PLEKHG4: variants seen among roughly 807,000 people sequenced by gnomAD.
PLEKHG4 encodes the protein puratrophin-1.
Under a neutral mutation model 136.9 loss-of-function variants are expected in PLEKHG4, and 85 were observed. The observed-to-expected ratio is 0.62, with a 90% CI of 0.52 to 0.74. PLEKHG4 has a LOEUF of 0.74. PLEKHG4 is among the 30% of genes least tolerant of loss of function. The probability of loss-of-function intolerance (pLI) is 0.00; values close to 1 mark genes in which losing one functional copy is unlikely to be tolerated. For missense variants in PLEKHG4, 1,317 were observed against 1,527.8 expected, an observed-to-expected ratio of 0.86 and a Z score of 2.30; for synonymous variants, 577 against 646.9, an observed-to-expected ratio of 0.89 and a Z score of 1.64.
At chr16:67,287,471 C>T (rs2036529754) in intron 18 of PLEKHG4, 1 of 529,904 alleles carries the variant, frequency 1.9e-6, no homozygotes. Context: ...ATGATCTTTG[C>T]TCATTGTAGC....
chr16:67,283,457 A>T (rs2036319363), intron 11 of PLEKHG4, among the ~76,000 whole-genome samples: 1 of 152,096 alleles, frequency 6.6e-6, no homozygotes, highest in South Asian at 2.1e-4. Context: ...GACTTGGAGG[A>T]TGGGCATGGG....
Position 67,285,023 on chromosome 16 carries a change from C to T in PLEKHG4, c.2003C>T (p.Ala668Val). 1 of 1,613,478 alleles carries T rather than the reference C, an allele frequency of 6.2e-7. No individual in the cohort carries two copies. The highest frequency in any genetic ancestry group is 8.5e-7 in the Non-Finnish European group (1 of 1,179,830). ...LCVSQVPAAPAHPPLRKAYSF... is the reference protein window; with the variant it reads ...LCVSQVPAAPVHPPLRKAYSF... Reference sequence around the variant, plus strand: ...GTCAGCCAGGTCCCCGCTGCACCTGCCCACCCTCCCCTGAGGAAGGCCTAC... The same window carrying T: ...GTCAGCCAGGTCCCCGCTGCACCTGTCCACCCTCCCCTGAGGAAGGCCTAC... The change falls in exon 13 of 22, where the codon GCC (alanine) becomes GTC (valine). Residue 668 changes from alanine to valine, a missense_variant. By Grantham distance (64) the Ala-to-Val change is moderately conservative. Coordinates refer to ENST00000379344, the MANE Select transcript of PLEKHG4 (RefSeq NM_001129729.3).
Position 67,284,598 on chromosome 16 carries a change from C to G in PLEKHG4, c.1693-115C>G, listed in dbSNP as rs1191920337. 14 of 1,486,030 alleles carry G rather than the reference C, an allele frequency of 9.4e-6. No individual in the cohort carries two copies. The highest frequency in any genetic ancestry group is 1.3e-5 in the Non-Finnish European group (14 of 1,082,226). The allele number at this position is 1,486,030 out of a possible 1,614,324, so 92.1% of individuals were successfully genotyped here. A position where few individuals can be genotyped will look rare whatever the true frequency, so the allele number is the denominator to read the frequency against. On this transcript the variant is annotated intron_variant, in intron 12 of 21. Coordinates refer to ENST00000379344, the MANE Select transcript of PLEKHG4 (RefSeq NM_001129729.3). The surrounding 1 kb of genome is among the most constrained non-coding windows in gnomAD (Gnocchi z 4.4). ...TCAGTTTGACCCTAAAACCCAGTCA[C>G]TGGGGCTGTGTCCTGGACAGCATCC...
chr16:67,284,125 G>T lies in PLEKHG4; in HGVS notation c.1510-150G>T. ...AACTTTGGCTGTGGAGAAGGGGAGTGGATGTGGGTGGGGAGTAGGAGATAC... is the reference window on the plus strand; with the variant it reads ...AACTTTGGCTGTGGAGAAGGGGAGTTGATGTGGGTGGGGAGTAGGAGATAC... On this transcript the variant is annotated intron_variant, in intron 11 of 21. Coordinates refer to ENST00000379344, the MANE Select transcript of PLEKHG4 (RefSeq NM_001129729.3). The surrounding 1 kb of genome is among the most constrained non-coding windows in gnomAD (Gnocchi z 4.4). 1 of 662,982 alleles carries T rather than the reference G, an allele frequency of 1.5e-6. No homozygotes were observed. Among genetic ancestry groups the T allele is most frequent in the Non-Finnish European group, 2.6e-6 (1 of 388,022 alleles). 41.1% of individuals were successfully genotyped at this position (662,982 alleles called of 1,614,324 possible). A position where few individuals can be genotyped will look rare whatever the true frequency, so the allele number is the denominator to read the frequency against.
rs138442821 is a variant in PLEKHG4 at position 67,281,614 on chromosome 16, G to C, written c.861G>C (p.Thr287=). The C allele has an allele frequency of 3.1e-6, 5 of 1,613,864 alleles. No homozygotes were observed. The highest frequency in any genetic ancestry group is 4.2e-6 in the Non-Finnish European group (5 of 1,179,958). Residue 287 remains threonine (T), a synonymous_variant, in exon 6 of 22, where the codon ACG becomes ACC. Transcript: ENST00000379344. ...AVYQVLLVGS[T]LLKEVPSGLQ... ...ACCAGGTGCTGCTAGTGGGAAGCACGCTGCTGAAGGAAGTGCCTTCCGGGC... is the reference window on the plus strand; with the variant it reads ...ACCAGGTGCTGCTAGTGGGAAGCACCCTGCTGAAGGAAGTGCCTTCCGGGC...
Position 67,280,711 on chromosome 16 carries a change from C to T in PLEKHG4, c.500C>T (p.Ala167Val), listed in dbSNP as rs768097975. 1.2e-6 allele frequency: 2 copies of T among 1,614,058 alleles called. No individual in the cohort carries two copies. Among genetic ancestry groups the T allele is most frequent in the East Asian group, 2.2e-5 (1 of 44,892 alleles). ...GACCCAAGTCATTTCCCTTCCCAAGCCCCCAGTGGATCCGGCCTCCCTAAG... is the reference window on the plus strand; with the variant it reads ...GACCCAAGTCATTTCCCTTCCCAAGTCCCCAGTGGATCCGGCCTCCCTAAG... ...LSEISKLLEA[A>V]PSGSGLPKPA... is the part of the protein sequence containing the mutation. The change falls in exon 3 of 22, where the codon GCC becomes GTC. Residue 167 changes from alanine (A) to valine (V), a missense_variant and splice_region_variant. By Grantham distance (64) the Ala-to-Val change is moderately conservative (BLOSUM62 0). Transcript: ENST00000379344. The surrounding 1 kb of genome is among the most constrained non-coding windows in gnomAD (Gnocchi z 4.4).
Position 67,282,782 on chromosome 16 carries a change from A to C in PLEKHG4, c.1433A>C (p.Glu478Ala). The C allele has an allele frequency of 6.2e-7, 1 of 1,613,492 alleles. No individual in the cohort carries two copies. The highest frequency in any genetic ancestry group is 8.5e-7 in the Non-Finnish European group (1 of 1,180,018). ...CAGCAGGTGGGCTGGCCAGCACTGGAGGAGGCTGGGGAGCCCTCGCTGGAC... is the reference window on the plus strand; with the variant it reads ...CAGCAGGTGGGCTGGCCAGCACTGGCGGAGGCTGGGGAGCCCTCGCTGGAC... ...WLQQVGWPAL[E>A]EAGEPSLDML... is the part of the protein sequence containing the mutation. Residue 478 changes from glutamate (E) to alanine (A), a missense_variant, in exon 11 of 22, where the codon GAG becomes GCG. Transcript: ENST00000379344.
In PLEKHG4 at chr16:67,282,645, G is replaced by A. The variant is rs753247007; in HGVS notation, c.1392+4G>A. The A allele has an allele frequency of 7.9e-5, 128 of 1,613,720 alleles. 1 individual carries two copies. The highest frequency in any genetic ancestry group is 4.5e-4 in the South Asian group (41 of 91,094). ...CCGGGAAAGCGGACTGCACCAGGTC[G>A]GAACTACTTGCCCAGAGTGGGCCCT... On this transcript the variant is annotated splice_donor_region_variant and intron_variant, in intron 10 of 21. Transcript: ENST00000379344.
chr16:67,282,169 C>A (rs1373958745), intron 8 of PLEKHG4, 32 bp from the exon 9 acceptor site: 1 of 1,613,428 alleles, frequency 6.2e-7, no homozygotes, highest in Non-Finnish European at 8.5e-7. Flanking sequence ...TCTCCCATGG[C>A]CACCTCCACA....
At position 67,281,134 on chromosome 16, in the gene PLEKHG4, C is replaced by T. The variant is rs149840175; in HGVS notation, c.763C>T (p.Arg255Ter). 1.6e-5 allele frequency: 26 copies of T among 1,613,958 alleles called. No homozygotes were observed. Among genetic ancestry groups the T allele is most frequent in the Admixed American group, 5.0e-5 (3 of 59,992 alleles). The change falls in exon 5 of 22, where the codon CGA becomes TGA. Residue 255 changes from arginine to a stop codon, truncating the protein, a stop_gained. Coordinates refer to ENST00000379344, the MANE Select transcript of PLEKHG4 (RefSeq NM_001129729.3). LOFTEE classifies it high-confidence loss of function. ...GGGACTGACAGTGCTAGTTGATGCC[C>T]GAATTTGTGCTCCAAGTTCTTCCCT... ...ALGLTVLVDA[R>*]ICAPSSSLFS...
chr16:67,282,011 G>T lies in PLEKHG4; in HGVS notation c.1008G>T (p.Arg336=), dbSNP rs754175146. 11 of 1,612,788 alleles carry T rather than the reference G, an allele frequency of 6.8e-6. No individual in the cohort carries two copies. Among genetic ancestry groups the T allele is most frequent in the Non-Finnish European group, 9.3e-6 (11 of 1,179,574 alleles). The stretch of plus-strand genomic sequence containing the variant: ...GTCATGCCTGCCCCTGCTTACAGCG[G>T]CTGGAAGCTCTACTACAGAACTGCC... ...CHQAWLDFRR[R]LEALLQNCQA... Residue 336 remains arginine, a splice_region_variant and synonymous_variant, in exon 8 of 22, where the codon CGG becomes CGT. Transcript: ENST00000379344.
In PLEKHG4 at chr16:67,285,225, G is replaced by A. The variant is rs1210280638; in HGVS notation, c.2195+10G>A. 3 of 1,613,734 alleles carry A rather than the reference G, an allele frequency of 1.9e-6. No individual in the cohort carries two copies. The highest frequency in any genetic ancestry group is 2.5e-6 in the Non-Finnish European group (3 of 1,180,032). ...CCAGGAGCCTCAACAGGTATGGGCA[G>A]TAGGCAGGGCGGGGAGGGCAGTAAA... On this transcript the variant is annotated intron_variant, in intron 13 of 21. Coordinates refer to ENST00000379344, the MANE Select transcript of PLEKHG4 (RefSeq NM_001129729.3).
chr16:67,287,965 C>T lies in PLEKHG4; in HGVS notation c.3171C>T (p.Ser1057=), dbSNP rs1427242955. The T allele has an allele frequency of 4.3e-6, 7 of 1,613,718 alleles. No individual in the cohort carries two copies. Among genetic ancestry groups the T allele is most frequent in the Admixed American group, 1.7e-5 (1 of 59,978 alleles). Residue 1057 remains serine (S), a synonymous_variant, in exon 19 of 22, where the codon AGC becomes AGT. Coordinates refer to ENST00000379344, the MANE Select transcript of PLEKHG4 (RefSeq NM_001129729.3). The part of the protein sequence containing the change: ...GNKAFRDIAP[S]EEAINDRTVN... ...AGGCCTTCCGAGACATTGCTCCCAG[C>T]GAGGAAGCCATCAACGACCGCACCG... is the stretch of plus-strand genomic sequence containing the variant.
chr16:67,281,498 T>G, intron 5 of PLEKHG4, 69 bp from the exon 6 acceptor site: 1 of 1,364,700 alleles, frequency 7.3e-7, no homozygotes, highest in Non-Finnish European at 1.0e-6. Flanking sequence ...AGTGCCGCAA[T>G]TACAGGCGTG....
intron 21 of PLEKHG4, 40 bp downstream of exon 21, chr16:67,288,644 G>A (rs2142491255): frequency 6.2e-7 from 1 of 1,612,398 alleles, no homozygotes; most frequent in Non-Finnish European, 8.5e-7. Context: ...CCCTTCCCCA[G>A]CCCAAGCTGA....
intron 11 of PLEKHG4, among the ~76,000 whole-genome samples, chr16:67,283,752 C>T (rs1468043617): frequency 6.6e-6 from 1 of 152,030 alleles, no homozygotes; most frequent in Admixed American, 6.5e-5. Flanking sequence ...GCCTGGAGCT[C>T]AGAGGAGAGG....
Position 67,286,556 on chromosome 16 carries a change from G to A in PLEKHG4, c.2644G>A (p.Gly882Arg), listed in dbSNP as rs1459802846. The A allele has an allele frequency of 5.1e-6, 8 of 1,566,892 alleles. No homozygotes were observed. The highest frequency in any genetic ancestry group is 6.9e-6 in the Non-Finnish European group (8 of 1,154,856). The change falls in exon 16 of 22, where the codon GGG becomes AGG. Residue 882 changes from glycine (G) to arginine (R), a missense_variant. Gly to Arg is a moderately radical substitution (Grantham distance 125, BLOSUM62 -2). Transcript: ENST00000379344. ...LLLQELARAC[G>R]GPTQELSALR... Reference sequence around the variant, plus strand: ...GCTGCAGGAGCTGGCACGGGCCTGCGGGGGCCCCACGCAGGAGCTCAGTGC... The same window carrying A: ...GCTGCAGGAGCTGGCACGGGCCTGCAGGGGCCCCACGCAGGAGCTCAGTGC...
chr16:67,280,970 C>T lies in PLEKHG4; in HGVS notation c.684C>T (p.Leu228=). Residue 228 remains leucine, a synonymous_variant, in exon 4 of 22, where the codon CTC becomes CTT. Transcript: ENST00000379344. The surrounding 1 kb of genome is among the most constrained non-coding windows in gnomAD (Gnocchi z 4.4). ...WLQSECSSQE[L]IRLLLYLRSI... Reference sequence around the variant, plus strand: ...AGTCTGAGTGCAGCAGCCAGGAACTCATCCGCCTCCTGCTGTACCTGCGAA... The same window carrying T: ...AGTCTGAGTGCAGCAGCCAGGAACTTATCCGCCTCCTGCTGTACCTGCGAA... 1 of 1,613,814 alleles carries T rather than the reference C, an allele frequency of 6.2e-7. No homozygotes were observed. Among genetic ancestry groups the T allele is most frequent in the Non-Finnish European group, 8.5e-7 (1 of 1,180,046 alleles).
At position 67,288,364 on chromosome 16, in the gene PLEKHG4, G is replaced by C; in HGVS notation, c.3418G>C (p.Glu1140Gln). The change falls in exon 20 of 22, where the codon GAG becomes CAG. Residue 1140 changes from glutamate (E) to glutamine (Q), a missense_variant. Coordinates refer to ENST00000379344, the MANE Select transcript of PLEKHG4 (RefSeq NM_001129729.3). The part of the protein sequence containing the change: ...YPSFPEEAAL[E>Q]AEAELGGQPS... ...CAGCTTCCCAGAGGAAGCAGCACTG[G>C]AGGCTGAGGCAGAGCTGGGCGGCCA... The C allele has an allele frequency of 6.2e-7, 1 of 1,611,670 alleles. No individual in the cohort carries two copies. Among genetic ancestry groups the C allele is most frequent in the Non-Finnish European group, 8.5e-7 (1 of 1,179,968 alleles).
Sources: gnomAD v4.1 joint callset for allele counts (sites outside exome capture counted in the v4.1 genomes callset) on GRCh38, gnomAD v4.1.1 for gene constraint, Gnocchi (gnomAD v3.1) non-coding constraint, MANE v1.5 for transcripts, NCBI Gene and HGNC (gene_info 2026-07-23, HGNC 2026-07-21) for gene names.